Variants in DGLUCY observed in about 807,000 individuals in gnomAD.
DGLUCY encodes the protein D-glutamate cyclase.
A neutral mutation model predicts 58.5 loss-of-function variants in DGLUCY; 58 were observed. The observed-to-expected ratio is 0.99, with a 90% CI of 0.80 to 1.23. The LOEUF (loss-of-function observed/expected upper bound fraction) is 1.23. Ranked by LOEUF, DGLUCY falls within the 50% of genes most tolerant of loss-of-function variation. DGLUCY has a pLI of 0.00. For missense variants in DGLUCY, 779 were observed against 784.7 expected (o/e 0.99, Z 0.09); for synonymous variants, 325 against 314.1 (o/e 1.03, Z -0.37).
intron 1 of DGLUCY, among the ~76,000 whole-genome samples, chr14:91,120,076 C>T (rs1217405203): frequency 6.6e-6 from 1 of 152,098 alleles, no homozygotes; most frequent in Non-Finnish European, 1.5e-5. Flanking sequence ...TGGGACTTAA[C>T]CTTGTGATGG....
intron 9 of DGLUCY, chr14:91,189,715 G>A (rs2049750722): frequency 1.3e-5 from 2 of 157,870 alleles, no homozygotes; most frequent in South Asian, 3.7e-4. Context: ...CATCCTGCAG[G>A]AAGTGTTATC....
intron 1 of DGLUCY, among the ~76,000 whole-genome samples, chr14:91,073,542 C>G (rs1381524084): frequency 1.3e-5 from 2 of 152,136 alleles, no homozygotes; most frequent in East Asian, 3.8e-4. Flanking sequence ...GCCATATTGG[C>G]CAGGCTGGCC....
At chr14:91,203,046 C>G (rs545037511) in intron 11 of DGLUCY, among the ~76,000 whole-genome samples, 1 of 152,352 alleles carries the variant, frequency 6.6e-6, no homozygotes, top group East Asian at 1.9e-4. Flanking sequence ...AAGTCTCCAC[C>G]TTCCACTGAC....
At chr14:91,109,521 G>A (rs535890547), upstream of DGLUCY, among the ~76,000 whole-genome samples, 3 of 152,136 alleles carry the variant, frequency 2.0e-5, no homozygotes, top group African/African-American at 4.8e-5. Flanking sequence ...TTTCATCAGC[G>A]GTAGTTAGTG....
intron 1 of DGLUCY, among the ~76,000 whole-genome samples, chr14:91,135,144 G>A (rs945309287): frequency 6.6e-6 from 1 of 151,708 alleles, no homozygotes; most frequent in Non-Finnish European, 1.5e-5. Context: ...GGCTGGTCTT[G>A]AGAACTCCTG....
chr14:91,216,108 G>T (rs2140738255), intron 13 of DGLUCY: 2 of 221,148 alleles, frequency 9.0e-6, no homozygotes, highest in Middle Eastern at 1.9e-3. Flanking sequence ...AGGAATGGGG[G>T]GAGCAGGGGC....
chr14:91,097,302 G>A (rs571631084), intron 1 of DGLUCY, among the ~76,000 whole-genome samples: 1 of 152,222 alleles, frequency 6.6e-6, no homozygotes, highest in East Asian at 1.9e-4. Context: ...AGGCTGAGGT[G>A]AGAGGGTTGC....
intron 1 of DGLUCY, among the ~76,000 whole-genome samples, chr14:91,119,818 G>A (rs1256710655): frequency 6.6e-6 from 1 of 152,200 alleles, no homozygotes; most frequent in Non-Finnish European, 1.5e-5. Flanking sequence ...AGCAGGCAGA[G>A]GAACATGGAA....
intron 9 of DGLUCY, among the ~76,000 whole-genome samples, chr14:91,194,017 T>C (rs2050060953): frequency 6.6e-6 from 1 of 152,194 alleles, no homozygotes; most frequent in Non-Finnish European, 1.5e-5. Flanking sequence ...TGTTCCCCAC[T>C]TTGGGATACA....
At position 91,204,777 on chromosome 14, in the gene DGLUCY, G is replaced by T; in HGVS notation, c.1516G>T (p.Gly506Trp). 1 of 1,614,112 alleles carries T rather than the reference G, an allele frequency of 6.2e-7. No homozygotes were observed. The highest frequency in any genetic ancestry group is 8.5e-7 in the Non-Finnish European group (1 of 1,180,004). ...GGCTGTGAGGAGGCACATACGGCAC[G>T]GGGATGTCATCGCCTGCGACGTGGA... ...KEAVRRHIRH[G>W]DVIACDVEAD... is the part of the protein sequence containing the mutation. The change falls in exon 12 of 14, where the codon GGG (glycine) becomes TGG (tryptophan). Residue 506 changes from glycine (G) to tryptophan (W), a missense_variant. By Grantham distance (184) the Gly-to-Trp change is radical. Coordinates refer to ENST00000256324, the MANE Select transcript of DGLUCY (RefSeq NM_001102368.3).
At chr14:91,087,894 G>A (rs749430715) in intron 1 of DGLUCY, among the ~76,000 whole-genome samples, 4 of 152,308 alleles carry the variant, frequency 2.6e-5, no homozygotes, top group African/African-American at 4.8e-5. Flanking sequence ...TTTCTTTACC[G>A]CACCAGGGAA....
chr14:91,179,933 C>A (rs1427742915), intron 7 of DGLUCY, among the ~76,000 whole-genome samples: 1 of 124,834 alleles, frequency 8.0e-6, no homozygotes, highest in Non-Finnish European at 1.6e-5. Context: ...GCTCTGTTGC[C>A]TAGGCTGGAG....
chr14:91,195,050 T>G (rs1417214143), intron 9 of DGLUCY, among the ~76,000 whole-genome samples: 1 of 152,146 alleles, frequency 6.6e-6, no homozygotes, highest in Non-Finnish European at 1.5e-5. Context: ...GGGCTGGCTC[T>G]ACGTGAGGGG....
chr14:91,094,137 T>C (rs2044355480), intron 1 of DGLUCY, among the ~76,000 whole-genome samples: 1 of 151,780 alleles, frequency 6.6e-6, no homozygotes, highest in African/African-American at 2.4e-5. Context: ...ACAACAAAAG[T>C]CAAAAAGAGC....
At chr14:91,148,207 AT>A (rs1426634761) in intron 1 of DGLUCY, among the ~76,000 whole-genome samples, 96 of 145,270 alleles carry the variant, frequency 6.6e-4, no homozygotes, top group East Asian at 6.1e-4. Context: ...CTAACAAAGG[AT>A]TTTTTTTTTT....
chr14:91,173,210 C>T, intron 5 of DGLUCY, 79 bp from the exon 6 acceptor site: 3 of 1,518,354 alleles, frequency 2.0e-6, no homozygotes, highest in Non-Finnish European at 2.7e-6. Flanking sequence ...CTGCCTTGAA[C>T]TCTTGGTGCT....
At chr14:91,120,422 G>C (rs2045278103) in intron 1 of DGLUCY, among the ~76,000 whole-genome samples, 1 of 151,990 alleles carries the variant, frequency 6.6e-6, no homozygotes, top group Admixed American at 6.6e-5. Context: ...ATTGTTTTTT[G>C]AGATGGAGTT....
chr14:91,075,619 CTG>C (rs2044007085), intron 1 of DGLUCY, among the ~76,000 whole-genome samples: 1 of 152,174 alleles, frequency 6.6e-6, no homozygotes, highest in African/African-American at 2.4e-5. Flanking sequence ...GTCTTTCTAA[CTG>C]GCTGACTGTG....
intron 1 of DGLUCY, among the ~76,000 whole-genome samples, chr14:91,097,967 A>G (rs1432372618): frequency 6.6e-5 from 10 of 152,208 alleles, no homozygotes; most frequent in Non-Finnish European, 1.5e-4. Context: ...AGAGAAAAAA[A>G]TCCTAGTTTG....
Sources: allele counts gnomAD v4.1 joint callset (sites outside exome capture counted in the v4.1 genomes callset), GRCh38; gene constraint gnomAD v4.1.1; transcripts MANE v1.5; gene names NCBI Gene and HGNC (gene_info 2026-07-23, HGNC 2026-07-21).